The following SCARA3 variants were observed in gnomAD, a reference collection of about 807,000 sequenced individuals.
The protein encoded by SCARA3 is cellular stress response gene protein.
In SCARA3, 39 loss-of-function variants were observed where a neutral mutation model predicts 47.0. That is an observed-to-expected ratio of 0.83 (90% CI 0.64 to 1.08). The LOEUF is 1.08. Ranked by LOEUF, SCARA3 falls within the 50% of genes least tolerant of loss-of-function variation. The pLI, the probability that SCARA3 is intolerant of heterozygous loss-of-function variation, is 0.00. For missense variants in SCARA3, 724 were observed against 792.3 expected (o/e 0.91, Z 1.04); for synonymous variants, 356 against 334.1 (o/e 1.07, Z -0.71).
intron 2 of SCARA3, 59 bp downstream of exon 2, chr8:27,649,859 T>C: frequency 7.1e-7 from 1 of 1,405,542 alleles, no homozygotes; most frequent in Non-Finnish European, 9.8e-7. Flanking sequence ...CCTGTCTCCA[T>C]CCCCAGGCCA....
downstream of SCARA3, among the ~76,000 whole-genome samples, chr8:27,678,594 T>TAG (rs1802313017): frequency 3.3e-5 from 5 of 152,216 alleles, no homozygotes; most frequent in Non-Finnish European, 5.9e-5. Flanking sequence ...TGATGAATTC[T>TAG]GCCAAACATT....
intron 1 of SCARA3, among the ~76,000 whole-genome samples, chr8:27,639,683 C>T (rs1269267411): frequency 1.3e-5 from 2 of 152,140 alleles, no homozygotes; most frequent in Non-Finnish European, 2.9e-5. Flanking sequence ...GATATTCTCT[C>T]GTGGCCTTAG....
the SCARA3 span, among the ~76,000 whole-genome samples, chr8:27,708,577 T>C: frequency 1.1e-3 from 174 of 151,854 alleles, no homozygotes; most frequent in African/African-American, 4.1e-3. Context: ...ATAAGCATAA[T>C]ATTATAGAGA....
chr8:27,730,552 C>T, the SCARA3 span, among the ~76,000 whole-genome samples: 1 of 149,576 alleles, frequency 6.7e-6, no homozygotes, highest in Non-Finnish European at 1.5e-5. Context: ...GGTGAGATAA[C>T]GGCTCACTGC....
the SCARA3 span, chr8:27,701,614 T>A: frequency 6.6e-6 from 1 of 151,330 alleles, no homozygotes; most frequent in Admixed American, 6.6e-5. Context: ...TTCTTTCTCT[T>A]TTTTTTAGTG....
intron 1 of SCARA3, among the ~76,000 whole-genome samples, chr8:27,640,337 A>G (rs144516720): frequency 6.6e-6 from 1 of 152,284 alleles, no homozygotes; most frequent in East Asian, 1.9e-4. Context: ...GTATGTTTGC[A>G]CAGATTTTTT....
At chr8:27,660,987 G>A (rs1030885999) in intron 5 of SCARA3, among the ~76,000 whole-genome samples, 6 of 152,174 alleles carry the variant, frequency 3.9e-5, no homozygotes, top group Non-Finnish European at 8.8e-5. Context: ...CCAGTTTGAA[G>A]ACCATCAGGC....
At chr8:27,710,161 C>G in the SCARA3 span, among the ~76,000 whole-genome samples, 1 of 146,764 alleles carries the variant, frequency 6.8e-6, no homozygotes, top group East Asian at 2.0e-4. Context: ...ACCTGGGAGG[C>G]AGAGGCTGCA....
At chr8:27,694,490 A>G in the SCARA3 span, among the ~76,000 whole-genome samples, 1 of 152,208 alleles carries the variant, frequency 6.6e-6, no homozygotes, top group African/African-American at 2.4e-5. Flanking sequence ...TTTTAAAAAT[A>G]ATAATTTTTA....
intron 5 of SCARA3, among the ~76,000 whole-genome samples, chr8:27,666,325 TCTC>T (rs796803588): frequency 1.9e-4 from 29 of 152,340 alleles, no homozygotes; most frequent in African/African-American, 7.0e-4. Flanking sequence ...CAATGAGTCT[TCTC>T]TTCTCTGGGA....
At chr8:27,724,599 C>T in the SCARA3 span, among the ~76,000 whole-genome samples, 13 of 152,114 alleles carry the variant, frequency 8.5e-5, no homozygotes, top group African/African-American at 2.9e-4. Flanking sequence ...CAGAGGTTGC[C>T]GTGAGCCAAG....
At chr8:27,694,532 TA>T in the SCARA3 span, among the ~76,000 whole-genome samples, 6 of 152,198 alleles carry the variant, frequency 3.9e-5, no homozygotes, top group Non-Finnish European at 8.8e-5. Context: ...TATCCTATTT[TA>T]ATATCCTAGG....
the SCARA3 span, chr8:27,702,492 C>A: frequency 6.6e-6 from 1 of 152,268 alleles, no homozygotes; most frequent in Non-Finnish European, 1.5e-5. Flanking sequence ...GGCCTGGCTC[C>A]TTTTCTCCCT....
rs1436716639 is a variant in SCARA3, at chr8:27,651,577, A to G, written c.176A>G (p.Tyr59Cys). The part of the protein sequence containing the change: ...LSLHTSVRIL[Y>C]LFLALLLVAV... ...TTGCACACATCGGTGCGGATTCTTT[A>G]CCTCTTCCTGGCCCTGCTCCTGGTG... The change falls in exon 3 of 6, where the codon TAC becomes TGC. Residue 59 changes from tyrosine (Y) to cysteine (C), a missense_variant. Transcript: ENST00000301904. 6.2e-7 allele frequency: 1 copy of G among 1,613,996 alleles called. No individual in the cohort carries two copies. The highest frequency in any genetic ancestry group is 8.5e-7 in the Non-Finnish European group (1 of 1,179,986).
At chr8:27,653,700 C>T (rs1373780291) in intron 3 of SCARA3, among the ~76,000 whole-genome samples, 1 of 151,868 alleles carries the variant, frequency 6.6e-6, no homozygotes, top group East Asian at 1.9e-4. Flanking sequence ...GCAGACATTA[C>T]AAACCAACTC....
the SCARA3 span, among the ~76,000 whole-genome samples, chr8:27,684,893 C>T: frequency 6.9e-6 from 1 of 145,544 alleles, no homozygotes; most frequent in Non-Finnish European, 1.5e-5. Context: ...CATAGTGAGA[C>T]ACTTCTCTAA....
At chr8:27,715,229 GT>G in the SCARA3 span, among the ~76,000 whole-genome samples, 1 of 152,082 alleles carries the variant, frequency 6.6e-6, no homozygotes, top group East Asian at 1.9e-4. The surrounding 1 kb of genome is among the most constrained non-coding windows in gnomAD (Gnocchi z 4.2). Flanking sequence ...CCCAGCTCAG[GT>G]TTTTTATTGA....
the SCARA3 span, chr8:27,703,844 C>CTTTTTTTTTTTTTTT: frequency 5.1e-4 from 28 of 54,552 alleles, 2 homozygotes; most frequent in Admixed American, 8.5e-4. Flanking sequence ...GTGCTTTCTA[C>CTTTTTTTTTTTTTTT]TTTTTTTTTT....
intron 1 of SCARA3, among the ~76,000 whole-genome samples, chr8:27,640,806 C>T (rs1198856605): frequency 2.6e-5 from 4 of 151,238 alleles, no homozygotes; most frequent in African/African-American, 9.7e-5. Flanking sequence ...AAGCAATTGT[C>T]CTACCTCAGC....
Sources: allele counts gnomAD v4.1 joint callset (sites outside exome capture counted in the v4.1 genomes callset), GRCh38; gene constraint gnomAD v4.1.1; non-coding constraint Gnocchi (gnomAD v3.1); transcripts MANE v1.5; gene names NCBI Gene and HGNC (gene_info 2026-07-23, HGNC 2026-07-21).